Variants in FAM47E observed in about 807,000 individuals in gnomAD.
The protein encoded by FAM47E is family with sequence similarity 47 member E.
FAM47E carries 32 observed loss-of-function variants against 41.6 expected under a neutral mutation model. That is an observed-to-expected ratio of 0.77 (90% CI 0.58 to 1.03). The LOEUF is 1.03. FAM47E is among the 50% of genes least tolerant of loss of function. The probability of loss-of-function intolerance (pLI) is 0.00; values close to 1 mark genes in which losing one functional copy is unlikely to be tolerated. For missense variants in FAM47E, 424 were observed against 485.4 expected, an observed-to-expected ratio of 0.87 and a Z score of 1.19; for synonymous variants, 184 against 188.7, an observed-to-expected ratio of 0.98 and a Z score of 0.20.
At chr4:76,260,741 T>G (rs140185685) in intron 2 of FAM47E, among the ~76,000 whole-genome samples, 203 of 152,120 alleles carry the variant, frequency 1.3e-3, no homozygotes, top group Non-Finnish European at 2.1e-3. Context: ...GACTTTGAAC[T>G]GCAAAAGAAA....
At chr4:76,271,883 G>A (rs1175066404) in intron 5 of FAM47E, 115 bp downstream of exon 5, 3 of 1,231,686 alleles carry the variant, frequency 2.4e-6, no homozygotes, top group Non-Finnish European at 2.2e-6. Context: ...TAGAATTCTG[G>A]AATTTTTTTC....
chr4:76,227,318 A>T (rs551848467), intron 2 of FAM47E, among the ~76,000 whole-genome samples: 42 of 152,272 alleles, frequency 2.8e-4, no homozygotes, highest in Non-Finnish European at 4.4e-4. Flanking sequence ...TCAGGAGTAG[A>T]TTATTTAATG....
chr4:76,246,643 G>T (rs1430733841), intron 2 of FAM47E, among the ~76,000 whole-genome samples: 1 of 151,958 alleles, frequency 6.6e-6, no homozygotes, highest in Non-Finnish European at 1.5e-5. Context: ...AGATCAAGAT[G>T]TAGAAGATTT....
chr4:76,254,376 T>C (rs1037799470), intron 1 of FAM47E, among the ~76,000 whole-genome samples: 3 of 152,286 alleles, frequency 2.0e-5, no homozygotes, highest in Admixed American at 6.5e-5. Context: ...ATATGGAGGG[T>C]TACTTACTAA....
At chr4:76,263,566 T>C (rs1734506702) in intron 2 of FAM47E, 138 bp from the exon 3 acceptor site, 1 of 1,001,282 alleles carries the variant, frequency 1.0e-6, no homozygotes, top group Non-Finnish European at 1.4e-6. Flanking sequence ...AGCATAATAC[T>C]TGGCACAGAA....
intron 2 of FAM47E, among the ~76,000 whole-genome samples, chr4:76,232,938 A>C (rs1302411862): frequency 6.6e-6 from 1 of 152,232 alleles, no homozygotes; most frequent in African/African-American, 2.4e-5. Context: ...TTTAGTTAAC[A>C]TGGTCACAGA....
At chr4:76,220,895 C>T (rs563499947) in intron 2 of FAM47E, among the ~76,000 whole-genome samples, 4 of 152,258 alleles carry the variant, frequency 2.6e-5, no homozygotes, top group East Asian at 3.9e-4. Context: ...CAGCTGGGAC[C>T]ACAGGGGTTT....
chr4:76,222,138 T>C (rs1457295039), intron 2 of FAM47E, among the ~76,000 whole-genome samples: 2 of 152,190 alleles, frequency 1.3e-5, no homozygotes, highest in African/African-American at 2.4e-5. Context: ...ATCTCAATAT[T>C]CAGTGGTACA....
Position 76,271,605 on chromosome 4 carries a change from A to C in FAM47E, c.707A>C (p.Gln236Pro). The C allele has an allele frequency of 6.4e-7, 1 of 1,552,224 alleles. No individual in the cohort carries two copies. Among genetic ancestry groups the C allele is most frequent in the Non-Finnish European group, 8.7e-7 (1 of 1,147,096 alleles). The change falls in exon 5 of 8, where the codon CAG becomes CCG. Residue 236 changes from glutamine to proline, a missense_variant. Coordinates refer to ENST00000424749, the MANE Select transcript of FAM47E (RefSeq NM_001136570.3). ...ATCGATGAAGAGTTCATCTTGAAAC[A>C]GTTTGACATTGACTATGAGACCAAA... ...SDIDEEFILK[Q>P]FDIDYETKPS...
intron 2 of FAM47E, among the ~76,000 whole-genome samples, chr4:76,239,842 C>T (rs1177221882): frequency 6.6e-6 from 1 of 151,928 alleles, no homozygotes; most frequent in African/African-American, 2.4e-5. Flanking sequence ...ATGCTTTCTC[C>T]TATGAGTTTT....
In FAM47E at chr4:76,256,230, C is replaced by T. The variant is rs371047529; in HGVS notation, c.127C>T (p.Arg43Trp). ...GAAGTTCCCCACCTCTCTGCACAGCCGGCAGTTGGTATTTCCAAGAAAGGG... is the reference window on the plus strand; with the variant it reads ...GAAGTTCCCCACCTCTCTGCACAGCTGGCAGTTGGTATTTCCAAGAAAGGG... The part of the protein sequence containing the change: ...GLKFPTSLHS[R>W]QLVFPRKGLD... The change falls in exon 2 of 8, where the codon CGG becomes TGG. Residue 43 changes from arginine (R) to tryptophan (W), a missense_variant. Arg to Trp is a moderately radical substitution (Grantham distance 101). Coordinates refer to ENST00000424749, the MANE Select transcript of FAM47E (RefSeq NM_001136570.3). 41 of 1,551,562 alleles carry T rather than the reference C, an allele frequency of 2.6e-5. No individual in the cohort carries two copies. The highest frequency in any genetic ancestry group is 1.4e-4 in the South Asian group (12 of 84,068).
chr4:76,282,489 G>A (rs1351756050), intron 7 of FAM47E: 4 of 152,324 alleles, frequency 2.6e-5, no homozygotes, highest in East Asian at 3.9e-4. Flanking sequence ...CTGACTGCAC[G>A]TCCGTTCATA....
At chr4:76,261,385 A>G (rs1734411130) in intron 2 of FAM47E, among the ~76,000 whole-genome samples, 1 of 152,206 alleles carries the variant, frequency 6.6e-6, no homozygotes, top group Non-Finnish European at 1.5e-5. Context: ...TATGTTTATC[A>G]CAACACTATC....
chr4:76,280,225 A>G (rs1450152189), intron 6 of FAM47E, 39 bp from the exon 7 acceptor site: 2 of 1,258,612 alleles, frequency 1.6e-6, no homozygotes, highest in Admixed American at 2.1e-5. Context: ...CAAGCTTCTG[A>G]TGGCTGACCC....
intron 2 of FAM47E, among the ~76,000 whole-genome samples, chr4:76,218,752 C>T (rs58714331): frequency 0.045 from 6,841 of 152,124 alleles, 503 homozygotes; most frequent in African/African-American, 0.15. Flanking sequence ...AAAACACAAG[C>T]GTAGTGTTGT....
rs1390877720 is a variant in FAM47E at position 76,271,595 on chromosome 4, A to G, written c.697A>G (p.Ile233Val). Residue 233 changes from isoleucine to valine, a missense_variant, in exon 5 of 8, where the codon ATC becomes GTC. Physicochemically the swap from Ile to Val is conservative, Grantham distance 29. Transcript: ENST00000424749. ...AATTTCGGACATCGATGAAGAGTTC[A>G]TCTTGAAACAGTTTGACATTGACTA... ...NGISDIDEEF[I>V]LKQFDIDYET... is the part of the protein sequence containing the mutation. 6.4e-7 allele frequency: 1 copy of G among 1,552,060 alleles called. No individual in the cohort carries two copies. Among genetic ancestry groups the G allele is most frequent in the African/African-American group, 1.4e-5 (1 of 73,044 alleles).
intron 2 of FAM47E, among the ~76,000 whole-genome samples, chr4:76,227,033 G>T (rs1482316687): frequency 7.3e-5 from 11 of 150,782 alleles, no homozygotes; most frequent in Non-Finnish European, 1.5e-4. Flanking sequence ...ATCTAGTTCC[G>T]CCCTGACCTT....
chr4:76,253,549 T>C (rs1422727767), intron 1 of FAM47E, among the ~76,000 whole-genome samples: 2 of 152,124 alleles, frequency 1.3e-5, no homozygotes, highest in Non-Finnish European at 2.9e-5. Flanking sequence ...AATGGTAAGC[T>C]TATTAACTAT....
intron 2 of FAM47E, among the ~76,000 whole-genome samples, chr4:76,261,156 T>C (rs1468499658): frequency 6.6e-6 from 1 of 151,992 alleles, no homozygotes; most frequent in Non-Finnish European, 1.5e-5. Context: ...ATAGCTATTA[T>C]TGAAATAAAA....
Sources: gnomAD v4.1 joint callset for allele counts (sites outside exome capture counted in the v4.1 genomes callset) on GRCh38, gnomAD v4.1.1 for gene constraint, MANE v1.5 for transcripts, NCBI Gene and HGNC (gene_info 2026-07-23, HGNC 2026-07-21) for gene names.